The following DKK2 variants were observed in gnomAD, a reference collection of about 807,000 sequenced individuals.
DKK2 encodes the protein dickkopf-related protein 2.
DKK2 carries 11 observed loss-of-function variants against 28.1 expected under a neutral mutation model. The observed-to-expected ratio is 0.39, with a 90% CI of 0.25 to 0.65. The LOEUF (loss-of-function observed/expected upper bound fraction) is 0.65, where lower values mean the gene tolerates loss of function less well. Among genes scored for constraint, DKK2 ranks in the 30% least tolerant of loss-of-function variants. DKK2 has a pLI of 0.47. For missense variants in DKK2, 326 were observed against 335.5 expected, an observed-to-expected ratio of 0.97 and a Z score of 0.22; for synonymous variants, 135 against 126.5, an observed-to-expected ratio of 1.07 and a Z score of -0.45.
chr4:107,032,278 A>C (rs1723886441), intron 1 of DKK2, among the ~76,000 whole-genome samples: 2 of 152,130 alleles, frequency 1.3e-5, no homozygotes, highest in South Asian at 4.1e-4. Flanking sequence ...TTGAAAGCCA[A>C]CCTTAAATTG....
In DKK2 at chr4:107,035,832, C is replaced by T. The variant is rs944186077; in HGVS notation, c.-241G>A. On this transcript the variant is annotated 5_prime_UTR_variant, in exon 1 of 4. Coordinates refer to ENST00000285311, the MANE Select transcript of DKK2 (RefSeq NM_014421.3). ...ACCAGGACAGGAAGTTCTGCAATAA[C>T]TGGAAGCAATCAAATGCGAGGCGCT... 1.8e-6 allele frequency: 1 copy of T among 563,758 alleles called. No individual in the cohort carries two copies. Among genetic ancestry groups the T allele is most frequent in the Non-Finnish European group, 3.2e-6 (1 of 316,012 alleles). 34.9% of individuals were successfully genotyped at this position (563,758 alleles called of 1,614,324 possible). A position where few individuals can be genotyped will look rare whatever the true frequency, so the allele number is the denominator to read the frequency against.
intron 1 of DKK2, among the ~76,000 whole-genome samples, chr4:107,006,738 C>T (rs1195913498): frequency 1.3e-5 from 2 of 152,106 alleles, no homozygotes; most frequent in Non-Finnish European, 2.9e-5. Flanking sequence ...CTTTGGTTTG[C>T]GTCCTGCATT....
In DKK2 at chr4:107,026,983, C is replaced by T. The variant is rs528891607; in HGVS notation, c.222+8387G>A. Among the ~76,000 whole-genome samples, 18 of 152,056 alleles carry T rather than the reference C, an allele frequency of 1.2e-4. 1 individual carries two copies. In the Middle Eastern group the frequency reaches 0.01, roughly 86 times the overall value. ...TTGAGCGAGCTGGAGGAAATGCTCA[C>T]ATTTATAAGTAGATAATTGTAGAGA... is the stretch of plus-strand genomic sequence containing the variant. On this transcript the variant is annotated intron_variant, in intron 1 of 3. Transcript: ENST00000285311.
At chr4:107,032,746 T>A (rs577999051) in intron 1 of DKK2, among the ~76,000 whole-genome samples, 2 of 152,118 alleles carry the variant, frequency 1.3e-5, no homozygotes, top group Non-Finnish European at 2.9e-5. Context: ...TAAAACTTAT[T>A]AGGTCTTAGG....
intron 1 of DKK2, among the ~76,000 whole-genome samples, chr4:106,929,613 G>A (rs774649064): frequency 2.6e-5 from 4 of 152,012 alleles, no homozygotes; most frequent in Non-Finnish European, 4.4e-5. Flanking sequence ...CCCCTTTCTA[G>A]GCTAAAAATA....
chr4:107,035,434 C>T lies in DKK2; in HGVS notation c.158G>A (p.Arg53Gln), dbSNP rs1723948257. 1.2e-6 allele frequency: 2 copies of T among 1,614,096 alleles called. No homozygotes were observed. Among genetic ancestry groups the T allele is most frequent in the African/African-American group, 1.3e-5 (1 of 74,930 alleles). ...GGETPGQAANRSAGMYQGLAF... is the reference protein window; with the variant it reads ...GGETPGQAANQSAGMYQGLAF... ...CAGTCCTTGGTACATGCCCGCAGAT[C>T]GATTGGCGGCCTGACCAGGCGTCTC... Residue 53 changes from arginine to glutamine, a missense_variant, in exon 1 of 4, where the codon CGA becomes CAA. Transcript: ENST00000285311.
intron 1 of DKK2, among the ~76,000 whole-genome samples, chr4:107,021,221 T>C (rs181994583): frequency 1.1e-3 from 173 of 152,086 alleles, no homozygotes; most frequent in South Asian, 3.5e-3. Flanking sequence ...TCACCTTCTA[T>C]GGGGTACTTT....
In DKK2 at chr4:106,972,650, C is replaced by T. The variant is rs183006847; in HGVS notation, c.223-46701G>A. On this transcript the variant is annotated intron_variant, in intron 1 of 3. Transcript: ENST00000285311. ...ATTAATGCAAGGATTAAAATCACAACTTATATAAAGTTCTTAGAACAGTGT... is the reference window on the plus strand; with the variant it reads ...ATTAATGCAAGGATTAAAATCACAATTTATATAAAGTTCTTAGAACAGTGT... Among the ~76,000 whole-genome samples, 40 of 152,196 alleles carry T rather than the reference C, an allele frequency of 2.6e-4. 1 individual carries two copies. The highest frequency in any genetic ancestry group is 1.5e-3 in the Admixed American group (23 of 15,266).
chr4:106,994,510 C>T (rs1723245782), intron 1 of DKK2, among the ~76,000 whole-genome samples: 1 of 151,954 alleles, frequency 6.6e-6, no homozygotes, highest in South Asian at 2.1e-4. Flanking sequence ...CACACACACA[C>T]ACACACACAT....
intron 1 of DKK2, among the ~76,000 whole-genome samples, chr4:107,032,752 T>A (rs1723893941): frequency 6.6e-6 from 1 of 152,128 alleles, no homozygotes; most frequent in Admixed American, 6.5e-5. Flanking sequence ...TTATTAGGTC[T>A]TAGGATGATA....
At chr4:107,027,467 A>T (rs542429287) in intron 1 of DKK2, among the ~76,000 whole-genome samples, 2 of 152,046 alleles carry the variant, frequency 1.3e-5, no homozygotes, top group East Asian at 3.9e-4. Context: ...AATGAAAAAA[A>T]AAAAAAGAAA....
chr4:107,004,460 T>A (rs1578375104), intron 1 of DKK2, among the ~76,000 whole-genome samples: 1 of 152,218 alleles, frequency 6.6e-6, no homozygotes, highest in South Asian at 2.1e-4. Flanking sequence ...GTAACATCTA[T>A]CCTGCCATTA....
Position 106,924,215 on chromosome 4 carries a change from G to A in DKK2, c.530-11C>T. ...GGTCTCCTTCATGCCCTGCAGAGAT[G>A]ATGACCAATAGATGTTACCCTGACA... On this transcript the variant is annotated splice_polypyrimidine_tract_variant and intron_variant, in intron 3 of 3. Transcript: ENST00000285311. 6.2e-7 allele frequency: 1 copy of A among 1,613,332 alleles called. No individual in the cohort carries two copies.
chr4:106,992,463 G>C (rs1488277437), intron 1 of DKK2, among the ~76,000 whole-genome samples: 1 of 152,154 alleles, frequency 6.6e-6, no homozygotes, highest in Non-Finnish European at 1.5e-5. Context: ...GATTCAGGCT[G>C]TTATTGAAGG....
In DKK2 at chr4:106,924,662, G is replaced by A. The variant is rs146683175; in HGVS notation, c.412C>T (p.His138Tyr). 895 of 1,613,800 alleles carry A rather than the reference G, an allele frequency of 5.5e-4. 8 individuals are homozygous for A. The East Asian group carries it at 0.018, about 33-fold the overall frequency. The change falls in exon 3 of 4, where the codon CAC becomes TAC. Residue 138 changes from histidine (H) to tyrosine (Y), a missense_variant. His to Tyr is a moderately conservative substitution (Grantham distance 83). Transcript: ENST00000285311. ...IPVTESILTP[H>Y]IPALDGTRHR... ...CGAGTACCATCCAGAGCCGGGATGT[G>A]AGGGGTTAAGATGCTTTCAGTAACT...
In DKK2 at chr4:106,948,486, A is replaced by G. The variant is rs75344213; in HGVS notation, c.223-22537T>C. Among the ~76,000 whole-genome samples, 889 of 152,304 alleles carry G rather than the reference A, an allele frequency of 5.8e-3. 9 individuals are homozygous for G. The highest frequency in any genetic ancestry group is 6.8e-3 in the Non-Finnish European group (463 of 68,018). ...GAAACAAAGTCAGCTTGTAGGGGGT[A>G]CTTGCTTTCTGTACCTCACCAGTTA... On this transcript the variant is annotated intron_variant, in intron 1 of 3. Transcript: ENST00000285311.
intron 1 of DKK2, among the ~76,000 whole-genome samples, chr4:106,955,818 C>A (rs1307186445): frequency 6.6e-6 from 1 of 152,106 alleles, no homozygotes; most frequent in African/African-American, 2.4e-5. Context: ...ATGACATAGT[C>A]CAGTAAAGAT....
chr4:107,011,560 T>A (rs1723517691), intron 1 of DKK2, among the ~76,000 whole-genome samples: 1 of 151,618 alleles, frequency 6.6e-6, no homozygotes, highest in Non-Finnish European at 1.5e-5. Flanking sequence ...CAAAAGTGTT[T>A]TACACATACT....
chr4:106,935,205 G>A (rs147019460), intron 1 of DKK2, among the ~76,000 whole-genome samples: 4 of 152,126 alleles, frequency 2.6e-5, no homozygotes, highest in South Asian at 2.1e-4. Flanking sequence ...CTGAGGTACC[G>A]GGTTCATCTC....
Sources: gnomAD v4.1 joint callset for allele counts (sites outside exome capture counted in the v4.1 genomes callset) on GRCh38, gnomAD v4.1.1 for gene constraint, MANE v1.5 for transcripts, NCBI Gene and HGNC (gene_info 2026-07-23, HGNC 2026-07-21) for gene names.